The following RABGAP1 variants were observed in gnomAD, a reference collection of about 807,000 sequenced individuals.
RABGAP1 encodes RAB GTPase activating protein 1.
RABGAP1 carries 23 observed loss-of-function variants against 137.6 expected under a neutral mutation model. The ratio of observed to expected loss-of-function variants is 0.17; its 90% CI spans 0.12 to 0.24. The LOEUF (loss-of-function observed/expected upper bound fraction) is 0.24. Ranked by LOEUF, RABGAP1 falls within the 10% of genes least tolerant of loss-of-function variation. The pLI, the probability that RABGAP1 is intolerant of heterozygous loss-of-function variation, is 1.00. For missense variants in RABGAP1, 906 were observed against 1,275.8 expected, an observed-to-expected ratio of 0.71 and a Z score of 4.42; for synonymous variants, 451 against 450.7, an observed-to-expected ratio of 1.00 and a Z score of -0.01.
chr9:123,065,587 A>G, intron 14 of RABGAP1, 126 bp downstream of exon 14: 1 of 753,268 alleles, frequency 1.3e-6, no homozygotes, highest in South Asian at 1.6e-5. Context: ...GAGAAAAGAC[A>G]TTGCAAAGTC....
chr9:123,095,195 C>G (rs2132229606), intron 21 of RABGAP1, among the ~76,000 whole-genome samples: 1 of 142,672 alleles, frequency 7.0e-6, no homozygotes, highest in Middle Eastern at 3.8e-3. Flanking sequence ...CCACTGCACT[C>G]CAGCCTGGGT....
intron 3 of RABGAP1, among the ~76,000 whole-genome samples, chr9:122,985,353 G>A (rs983422960): frequency 6.6e-6 from 1 of 152,192 alleles, no homozygotes; most frequent in Non-Finnish European, 1.5e-5. Flanking sequence ...AGTGGCTCAC[G>A]CCTGTGATCC....
chr9:123,096,313 C>T (rs1588412538), intron 21 of RABGAP1, among the ~76,000 whole-genome samples: 1 of 148,970 alleles, frequency 6.7e-6, no homozygotes, highest in African/African-American at 2.4e-5. Context: ...AAAAGAGTCA[C>T]TCTTTTACCA....
At chr9:122,967,280 G>C (rs1835212035) in intron 2 of RABGAP1, among the ~76,000 whole-genome samples, 1 of 152,144 alleles carries the variant, frequency 6.6e-6, no homozygotes, top group Admixed American at 6.6e-5. Context: ...GTAAATAGGA[G>C]ATCAGAAAGA....
rs116559705 is a variant in RABGAP1, at chr9:123,101,838, C to T, written c.3087+75C>T. 2,566 of 1,419,758 alleles carry T rather than the reference C, an allele frequency of 1.8e-3. 53 individuals carry two copies. The African/African-American group carries it at 0.034, about 19-fold the overall frequency. 87.9% of individuals were successfully genotyped at this position (1,419,758 alleles called of 1,614,324 possible). On this transcript the variant is annotated intron_variant, in intron 25 of 25. Coordinates refer to ENST00000373647, the MANE Select transcript of RABGAP1 (RefSeq NM_012197.4). ...GTGCACTAGAGACCCCAGAAATTAT[C>T]TTTATGGTTTGGGGTTTTTCCACAC...
chr9:123,015,360 G>T (rs964563400), intron 11 of RABGAP1, among the ~76,000 whole-genome samples, 183 bp from the exon 12 acceptor site: 1 of 148,438 alleles, frequency 6.7e-6, no homozygotes, highest in African/African-American at 2.5e-5. Flanking sequence ...AATTAAAGAG[G>T]TTACAGCATT....
intron 15 of RABGAP1, 62 bp from the exon 16 acceptor site, chr9:123,073,490 T>G: frequency 1.9e-6 from 3 of 1,557,708 alleles, no homozygotes; most frequent in Non-Finnish European, 2.6e-6. Flanking sequence ...AGAAAACTTC[T>G]GTATGTTTTG....
intron 2 of RABGAP1, among the ~76,000 whole-genome samples, chr9:122,982,610 C>A (rs1836131143): frequency 6.6e-6 from 1 of 152,190 alleles, no homozygotes; most frequent in South Asian, 2.1e-4. Context: ...TTTCTCCCTA[C>A]CCTTGGAAAA....
intron 19 of RABGAP1, among the ~76,000 whole-genome samples, chr9:123,087,697 C>T (rs2034911008): frequency 6.6e-6 from 1 of 152,178 alleles, no homozygotes; most frequent in Non-Finnish European, 1.5e-5. Flanking sequence ...TGCTGTCTTC[C>T]TGGCTGTCTA....
chr9:123,069,659 T>C (rs1294957451), intron 14 of RABGAP1, among the ~76,000 whole-genome samples: 2 of 151,748 alleles, frequency 1.3e-5, no homozygotes, highest in Admixed American at 1.3e-4. Flanking sequence ...GGTAGGAGGA[T>C]AGTCTGAGCC....
chr9:123,090,841 G>A (rs1349020630), intron 21 of RABGAP1, among the ~76,000 whole-genome samples: 1 of 152,178 alleles, frequency 6.6e-6, no homozygotes, highest in Non-Finnish European at 1.5e-5. Flanking sequence ...GTTGACAGAT[G>A]TTTCATTTTT....
chr9:122,956,809 A>C (rs1299510641), intron 1 of RABGAP1, among the ~76,000 whole-genome samples: 1 of 152,066 alleles, frequency 6.6e-6, no homozygotes, highest in East Asian at 1.9e-4. Flanking sequence ...TTGAAGTCTG[A>C]AATATCTTGG....
chr9:122,946,712 A>G (rs1833969143), intron 1 of RABGAP1, among the ~76,000 whole-genome samples: 1 of 152,222 alleles, frequency 6.6e-6, no homozygotes. Flanking sequence ...TTAAGCCAGC[A>G]TATGTAGAGT....
chr9:122,937,678 C>G (rs1833408100), upstream of RABGAP1: 1 of 151,980 alleles, frequency 6.6e-6, no homozygotes. Flanking sequence ...TAAAATTAGA[C>G]TATCATTAAA....
At chr9:123,005,232 G>A (rs912031613) in intron 10 of RABGAP1, among the ~76,000 whole-genome samples, 18 of 151,188 alleles carry the variant, frequency 1.2e-4, no homozygotes, top group East Asian at 3.9e-4. Flanking sequence ...TTCTGTTACC[G>A]TTTGACATAT....
Position 122,998,756 on chromosome 9 carries a change from A to G in RABGAP1, c.1364A>G (p.Lys455Arg), listed in dbSNP as rs1224666800. 1 of 1,592,576 alleles carries G rather than the reference A, an allele frequency of 6.3e-7. No homozygotes were observed. Among genetic ancestry groups the G allele is most frequent in the East Asian group, 2.2e-5 (1 of 44,742 alleles). ...AGTACTACTGAAAATTTCTTTTTGA[A>G]ACTAAAACAGGTACTGTATTTTTCT... ...KRSTTENFFL[K>R]LKQIKQRERK... The change falls in exon 10 of 26, where the codon AAA (lysine) becomes AGA (arginine). Residue 455 changes from lysine to arginine, a missense_variant. Lys to Arg is a conservative substitution (Grantham distance 26, BLOSUM62 2). Coordinates refer to ENST00000373647, the MANE Select transcript of RABGAP1 (RefSeq NM_012197.4).
chr9:123,014,745 T>A (rs1487569074), intron 11 of RABGAP1, among the ~76,000 whole-genome samples: 1 of 151,420 alleles, frequency 6.6e-6, no homozygotes, highest in Non-Finnish European at 1.5e-5. Flanking sequence ...CACTGCAAAA[T>A]TTATAAAGAA....
chr9:123,083,184 T>C (rs1450096793), intron 19 of RABGAP1, among the ~76,000 whole-genome samples: 5 of 152,236 alleles, frequency 3.3e-5, no homozygotes, highest in Non-Finnish European at 5.9e-5. Flanking sequence ...TCAATTCTTA[T>C]GGGCATTCTG....
In RABGAP1 at chr9:123,020,258, A is replaced by G. The variant is rs760596780; in HGVS notation, c.1644-51A>G. ...GACTTTGATAAAAGTAACATTCTTTAGAGAATCTTATCTTCCTTTTATGAT... is the reference window on the plus strand; with the variant it reads ...GACTTTGATAAAAGTAACATTCTTTGGAGAATCTTATCTTCCTTTTATGAT... On this transcript the variant is annotated intron_variant, in intron 12 of 25. Transcript: ENST00000373647. 5.2e-6 allele frequency: 7 copies of G among 1,356,768 alleles called. No homozygotes were observed. In the East Asian group the frequency reaches 1.5e-4, roughly 30 times the overall value. The allele number at this position is 1,356,768 out of a possible 1,614,324, so 84.0% of individuals were successfully genotyped here.
Sources: allele counts gnomAD v4.1 joint callset (sites outside exome capture counted in the v4.1 genomes callset), GRCh38; gene constraint gnomAD v4.1.1; transcripts MANE v1.5; gene names NCBI Gene and HGNC (gene_info 2026-07-23, HGNC 2026-07-21).